PDE1A: variants seen among roughly 807,000 people sequenced by gnomAD.
The protein encoded by PDE1A is phosphodiesterase 1A, also known as dual specificity calcium/calmodulin-dependent 3',5'-cyclic nucleotide phosphodiesterase 1A.
A neutral mutation model predicts 61.7 loss-of-function variants in PDE1A; 35 were observed. That is an observed-to-expected ratio of 0.57 (90% CI 0.43 to 0.75). The LOEUF is 0.75. Ranked by LOEUF, PDE1A falls within the 30% of genes least tolerant of loss-of-function variation. The pLI is 0.00. For missense variants in PDE1A, 597 were observed against 630.6 expected (o/e 0.95, Z 0.57); for synonymous variants, 232 against 213.2 (o/e 1.09, Z -0.77).
intron 2 of PDE1A, chr2:182,241,723 C>T: frequency 2.7e-6 from 2 of 739,214 alleles, no homozygotes; most frequent in Non-Finnish European, 4.0e-6. Context: ...AACATAAGTT[C>T]TGGAGTCACA....
chr2:182,528,026 G>A (rs1329913097), upstream of PDE1A, among the ~76,000 whole-genome samples: 1 of 152,038 alleles, frequency 6.6e-6, no homozygotes, highest in East Asian at 1.9e-4. Flanking sequence ...GCATGAAAAT[G>A]GACTAATACA....
chr2:182,360,532 T>G (rs1040392467), intron 1 of PDE1A, among the ~76,000 whole-genome samples: 2 of 85,728 alleles, frequency 2.3e-5, no homozygotes, highest in Non-Finnish European at 3.1e-5. Flanking sequence ...GTTTAGTGTT[T>G]TTTTTTTTTT....
chr2:182,543,511 T>G, the PDE1A span, among the ~76,000 whole-genome samples: 2 of 152,198 alleles, frequency 1.3e-5, no homozygotes, highest in African/African-American at 4.8e-5. Flanking sequence ...CATCAAACTA[T>G]AAAAGGAACA....
upstream of PDE1A, among the ~76,000 whole-genome samples, chr2:182,527,022 G>T: frequency 1.3e-5 from 2 of 149,188 alleles, no homozygotes; most frequent in Admixed American, 6.7e-5. Context: ...AAAAATTATT[G>T]GTCAAAACAT....
At chr2:182,299,398 C>A (rs752986752) in intron 1 of PDE1A, among the ~76,000 whole-genome samples, 1 of 149,110 alleles carries the variant, frequency 6.7e-6, no homozygotes, top group Non-Finnish European at 1.5e-5. Flanking sequence ...TAGGAAAGAC[C>A]GAGTACAAGT....
chr2:182,309,396 A>G (rs1695813927), intron 1 of PDE1A, among the ~76,000 whole-genome samples: 1 of 152,078 alleles, frequency 6.6e-6, no homozygotes, highest in Non-Finnish European at 1.5e-5. Context: ...TTGCACTTAC[A>G]CCTAACCAAA....
chr2:182,485,000 C>A (rs1322018257), intron 2 of PDE1A, among the ~76,000 whole-genome samples: 2 of 152,072 alleles, frequency 1.3e-5, no homozygotes, highest in Non-Finnish European at 2.9e-5. Flanking sequence ...TTCAACCCAG[C>A]AATTCCATTA....
chr2:182,312,319 GT>G lies in PDE1A; in HGVS notation c.54-47906del, dbSNP rs908030684. Among the ~76,000 whole-genome samples the G allele has an allele frequency of 1.4e-4, 22 of 151,776 alleles. 1 individual carries two copies. Among genetic ancestry groups the G allele is most frequent in the Non-Finnish European group, 1.5e-5 (1 of 67,936 alleles). ...TTAAATAGTTAATGAAGTCCATCAT[GT>G]TTTTTTAATTTTGTAGATTATATGT... On this transcript the variant is annotated intron_variant, in intron 1 of 13. Transcript: ENST00000351439.
At chr2:182,415,337 T>A (rs2125546069) in intron 1 of PDE1A, among the ~76,000 whole-genome samples, 1 of 152,258 alleles carries the variant, frequency 6.6e-6, no homozygotes, top group Middle Eastern at 3.4e-3. Context: ...CCAAGAATGG[T>A]CTCAAACACA....
the PDE1A span, among the ~76,000 whole-genome samples, chr2:182,602,173 G>A: frequency 2.6e-5 from 4 of 152,226 alleles, no homozygotes; most frequent in African/African-American, 9.6e-5. Context: ...TATGAAGGCA[G>A]GGGGGCCTTC....
the PDE1A span, among the ~76,000 whole-genome samples, chr2:182,627,170 A>AT: frequency 0.091 from 1,463 of 16,112 alleles, 174 homozygotes; most frequent in African/African-American, 0.2. Context: ...AATATAAATA[A>AT]TATTTATATA....
At chr2:182,377,073 C>G (rs373446656) in intron 1 of PDE1A, among the ~76,000 whole-genome samples, 1 of 152,164 alleles carries the variant, frequency 6.6e-6, no homozygotes, top group Admixed American at 6.5e-5. Context: ...ACCATATCAA[C>G]TTTTAACCCA....
At chr2:182,573,857 T>TTATATATACATATATATATATTAA in the PDE1A span, among the ~76,000 whole-genome samples, 2 of 144,166 alleles carry the variant, frequency 1.4e-5, no homozygotes, top group African/African-American at 5.2e-5. Flanking sequence ...ATTTATATAT[T>TTATATATACATATATATATATTAA]TATATATACA....
At position 182,522,648 on chromosome 2, in the gene PDE1A, G is replaced by T. The variant is rs1349766778; in HGVS notation, c.-11+17C>A. The T allele has an allele frequency of 5.8e-6, 7 of 1,201,484 alleles. No individual in the cohort carries two copies. In the African/African-American group the frequency reaches 1.1e-4, roughly 18 times the overall value. The allele number at this position is 1,201,484 out of a possible 1,614,324, so 74.4% of individuals were successfully genotyped here. A position where few individuals can be genotyped will look rare whatever the true frequency, so the allele number is the denominator to read the frequency against. On this transcript the variant is annotated intron_variant, in intron 1 of 14. Transcript: ENST00000410103. ...AAGAACAATCCGTACATGTGAGCCT[G>T]CTACTGTACTACTGACCGACTGAGT...
intron 1 of PDE1A, among the ~76,000 whole-genome samples, chr2:182,400,085 C>T (rs1701916672): frequency 6.6e-6 from 1 of 152,112 alleles, no homozygotes; most frequent in Non-Finnish European, 1.5e-5. Flanking sequence ...TAATTTGCCT[C>T]CCACTGGCTA....
At chr2:182,595,763 G>A in the PDE1A span, among the ~76,000 whole-genome samples, 5 of 152,284 alleles carry the variant, frequency 3.3e-5, no homozygotes, top group Admixed American at 6.5e-5. Flanking sequence ...TGACTTGCTG[G>A]TGGGTGAGGG....
At chr2:182,301,707 G>T (rs1695255700) in intron 1 of PDE1A, among the ~76,000 whole-genome samples, 1 of 152,228 alleles carries the variant, frequency 6.6e-6, no homozygotes, top group African/African-American at 2.4e-5. Flanking sequence ...ATAATGAACA[G>T]TATGTCTTAG....
At chr2:182,542,661 G>A in the PDE1A span, among the ~76,000 whole-genome samples, 1 of 152,024 alleles carries the variant, frequency 6.6e-6, no homozygotes, top group African/African-American at 2.4e-5. Context: ...TTAGGGAATA[G>A]AAATCTCTTG....
chr2:182,573,957 TTA>T, the PDE1A span, among the ~76,000 whole-genome samples: 646 of 119,240 alleles, frequency 5.4e-3, 4 homozygotes, highest in African/African-American at 0.022. Flanking sequence ...TTATATATAT[TTA>T]TATATTTTTT....
Sources: gnomAD v4.1 joint callset for allele counts (sites outside exome capture counted in the v4.1 genomes callset) on GRCh38, gnomAD v4.1.1 for gene constraint, MANE v1.5 for transcripts, NCBI Gene and HGNC (gene_info 2026-07-23, HGNC 2026-07-21) for gene names.